The following TEX101 variants were observed in gnomAD, a reference collection of about 807,000 sequenced individuals.
TEX101 encodes the protein testis expressed 101.
In TEX101, 10 loss-of-function variants were observed where a neutral mutation model predicts 18.1. That is an observed-to-expected ratio of 0.55 (90% CI 0.34 to 0.94). The LOEUF is 0.94. TEX101 is among the 40% of genes least tolerant of loss of function. TEX101 has a pLI of 0.02. For missense variants in TEX101, 259 were observed against 298.9 expected (o/e 0.87, Z 0.98); for synonymous variants, 94 against 114.8 (o/e 0.82, Z 1.16).
intron 4 of TEX101, 134 bp from the exon 5 acceptor site, chr19:43,417,744 G>C (rs765401198): frequency 4.8e-5 from 54 of 1,128,668 alleles, no homozygotes; most frequent in Non-Finnish European, 6.3e-5. Context: ...AGCTGGGGAA[G>C]GATGGGGAGG....
chr19:43,418,026 T>G lies in TEX101; in HGVS notation c.520+20T>G. ...CTGGAGGTAAACTGAAATGAACATCTGATAGTTTCAGAGGCTGGAAAACCA... is the reference window on the plus strand; with the variant it reads ...CTGGAGGTAAACTGAAATGAACATCGGATAGTTTCAGAGGCTGGAAAACCA... On this transcript the variant is annotated intron_variant, in intron 5 of 5. Transcript: ENST00000598265. 1 of 1,614,148 alleles carries G rather than the reference T, an allele frequency of 6.2e-7. No individual in the cohort carries two copies. The highest frequency in any genetic ancestry group is 8.5e-7 in the Non-Finnish European group (1 of 1,180,022).
chr19:43,414,942 G>C lies in TEX101; in HGVS notation c.-136G>C, dbSNP rs1970456544. ...CGTTCCGGGCCTCAACTTTGGCGTC[G>C]TGAGATTCTTGTGAGGCGTCTGCCT... On this transcript the variant is annotated 5_prime_UTR_variant, in exon 1 of 6. Coordinates refer to ENST00000598265, the MANE Select transcript of TEX101 (RefSeq NM_001130011.3). 3 of 985,308 alleles carry C rather than the reference G, an allele frequency of 3.0e-6. No individual in the cohort carries two copies. Among genetic ancestry groups the C allele is most frequent in the South Asian group, 4.7e-5 (1 of 21,294 alleles). The allele number at this position is 985,308 out of a possible 1,614,324, so 61.0% of individuals were successfully genotyped here. A position where few individuals can be genotyped will look rare whatever the true frequency, so the allele number is the denominator to read the frequency against.
At chr19:43,389,496 A>G in the TEX101 span, among the ~76,000 whole-genome samples, 14 of 152,338 alleles carry the variant, frequency 9.2e-5, no homozygotes, top group African/African-American at 3.1e-4. Flanking sequence ...TGCAGTAGCC[A>G]GAAGATCTTG....
the TEX101 span, among the ~76,000 whole-genome samples, chr19:43,393,336 G>T: frequency 5.9e-5 from 9 of 152,282 alleles, no homozygotes; most frequent in South Asian, 2.1e-4. Context: ...CACGGGGAGG[G>T]GGCTGAGCGC....
At chr19:43,404,187 G>A (rs954529049) in intron 2 of TEX101, among the ~76,000 whole-genome samples, 2 of 147,166 alleles carry the variant, frequency 1.4e-5, no homozygotes, top group African/African-American at 2.5e-5. Flanking sequence ...GATTCTTTAT[G>A]AAGGATTAGG....
upstream of TEX101, among the ~76,000 whole-genome samples, chr19:43,412,239 CA>C (rs1421857944): frequency 5.9e-5 from 9 of 152,086 alleles, no homozygotes; most frequent in Non-Finnish European, 1.3e-4. Context: ...TTACTTATGG[CA>C]AAAGGATGCA....
At chr19:43,398,744 C>T (rs976609423), upstream of TEX101, among the ~76,000 whole-genome samples, 2 of 152,068 alleles carry the variant, frequency 1.3e-5, no homozygotes, top group Admixed American at 6.6e-5. Context: ...CTGAAACCTG[C>T]GTTGTTTACT....
At chr19:43,415,106 G>A in intron 1 of TEX101, 68 bp downstream of exon 1, 1 of 961,506 alleles carries the variant, frequency 1.0e-6, no homozygotes, top group Non-Finnish European at 1.2e-6. Context: ...TGGGCTCCCG[G>A]GCCTGAGAGG....
At chr19:43,397,911 AAT>A (rs1309916093), upstream of TEX101, among the ~76,000 whole-genome samples, 2 of 23,854 alleles carry the variant, frequency 8.4e-5, no homozygotes, top group African/African-American at 1.7e-4. Flanking sequence ...AATATATAAA[AAT>A]ATATATTATA....
At chr19:43,412,690 TGA>T (rs2122339057), upstream of TEX101, among the ~76,000 whole-genome samples, 1 of 152,260 alleles carries the variant, frequency 6.6e-6, no homozygotes, top group Non-Finnish European at 1.5e-5. Flanking sequence ...CTGGATCCTT[TGA>T]CATGTGATCA....
chr19:43,417,820 G>A, intron 4 of TEX101, 58 bp from the exon 5 acceptor site: 1 of 1,603,170 alleles, frequency 6.2e-7, no homozygotes, highest in Non-Finnish European at 8.5e-7. Flanking sequence ...AAGGCAGCAA[G>A]GAGCAACATC....
intron 3 of TEX101, among the ~76,000 whole-genome samples, chr19:43,408,799 A>T (rs1393414306): frequency 1.3e-5 from 2 of 152,120 alleles, no homozygotes; most frequent in Non-Finnish European, 2.9e-5. Context: ...CATCCCCAAG[A>T]TCCCTGGACT....
At chr19:43,406,583 G>A in intron 3 of TEX101, 1 of 624,978 alleles carries the variant, frequency 1.6e-6, no homozygotes, top group Non-Finnish European at 2.9e-6. Flanking sequence ...CTAACCTGGT[G>A]GGGGAGTCGG....
chr19:43,397,612 A>G (rs1970278716), upstream of TEX101, among the ~76,000 whole-genome samples: 1 of 150,654 alleles, frequency 6.6e-6, no homozygotes, highest in African/African-American at 2.4e-5. Context: ...TAAATTGCAG[A>G]CATCAAGACA....
At chr19:43,403,791 A>G (rs1209682716) in intron 2 of TEX101, among the ~76,000 whole-genome samples, 1 of 152,156 alleles carries the variant, frequency 6.6e-6, no homozygotes, top group Non-Finnish European at 1.5e-5. Flanking sequence ...TCTGGCCCAC[A>G]AAGACCAGAA....
chr19:43,389,046 T>A, the TEX101 span, among the ~76,000 whole-genome samples: 1 of 152,128 alleles, frequency 6.6e-6, no homozygotes, highest in African/African-American at 2.4e-5. Flanking sequence ...TGCTGATGCC[T>A]CTCGGATCTC....
chr19:43,409,119 A>T (rs1970396917), intron 3 of TEX101, among the ~76,000 whole-genome samples: 1 of 152,246 alleles, frequency 6.6e-6, no homozygotes. Flanking sequence ...CCCCAGACCC[A>T]GAGTAGGTTC....
At chr19:43,390,460 CTTTTTTTTTTTTTT>C in the TEX101 span, among the ~76,000 whole-genome samples, 1 of 49,856 alleles carries the variant, frequency 2.0e-5, no homozygotes, top group Admixed American at 3.5e-4. Context: ...CTTTTTTTTT[CTTTTTTTTTTTTTT>C]TTTTTTTTTT....
rs755381597 is a variant in TEX101 at position 43,416,540 on chromosome 19, T to C, written c.376T>C (p.Phe126Leu). ...DKDSLSQFWE[F>L]SETTASTVST... The stretch of plus-strand genomic sequence containing the variant: ...AGACAGCCTGTCTCAGTTTTGGGAG[T>C]TCAGTGAGACCACAGGTACCCTGGA... The change falls in exon 4 of 6, where the codon TTC becomes CTC. Residue 126 changes from phenylalanine to leucine, a missense_variant. Physicochemically the swap from Phe to Leu is conservative, Grantham distance 22. Transcript: ENST00000598265. 3.1e-6 allele frequency: 5 copies of C among 1,613,610 alleles called. No homozygotes were observed. The highest frequency in any genetic ancestry group is 4.2e-6 in the Non-Finnish European group (5 of 1,179,756).
Sources: gnomAD v4.1 joint callset for allele counts (sites outside exome capture counted in the v4.1 genomes callset) on GRCh38, gnomAD v4.1.1 for gene constraint, MANE v1.5 for transcripts, NCBI Gene and HGNC (gene_info 2026-07-23, HGNC 2026-07-21) for gene names.